The following SUGCT variants were observed in gnomAD, a reference collection of about 807,000 sequenced individuals.
The protein encoded by SUGCT is succinyl-CoA:glutarate-CoA transferase, also known as succinyl-CoA:glutarate CoA-transferase.
Under a neutral mutation model 55.0 loss-of-function variants are expected in SUGCT, and 41 were observed. The ratio of observed to expected loss-of-function variants is 0.74; its 90% CI spans 0.58 to 0.97. SUGCT has a LOEUF of 0.97. Ranked by LOEUF, SUGCT falls within the 50% of genes least tolerant of loss-of-function variation. The pLI is 0.00. For synonymous variants in SUGCT, 187 were observed against 200.4 expected (o/e 0.93, Z 0.56); for missense variants, 568 against 547.8 (o/e 1.04, Z -0.37).
chr7:40,671,506 G>A (rs1801939255), intron 12 of SUGCT, among the ~76,000 whole-genome samples: 1 of 152,096 alleles, frequency 6.6e-6, no homozygotes, highest in South Asian at 2.1e-4. Flanking sequence ...TAAAGATTGA[G>A]TTCAACAAGT....
intron 6 of SUGCT, among the ~76,000 whole-genome samples, chr7:40,208,387 G>A (rs1372679939): frequency 6.6e-6 from 1 of 152,080 alleles, no homozygotes; most frequent in Non-Finnish European, 1.5e-5. Context: ...AGAAAAAAAG[G>A]AAAGAATAGT....
At chr7:40,174,614 C>A (rs550165891) in intron 1 of SUGCT, among the ~76,000 whole-genome samples, 2 of 152,202 alleles carry the variant, frequency 1.3e-5, no homozygotes, top group South Asian at 2.1e-4. Context: ...TGCACCCTAG[C>A]CTGGGCAACA....
chr7:40,670,969 A>G (rs1484060463), intron 12 of SUGCT, among the ~76,000 whole-genome samples: 2 of 152,214 alleles, frequency 1.3e-5, no homozygotes, highest in Non-Finnish European at 2.9e-5. Flanking sequence ...ACCATTATCC[A>G]TCATGAATAT....
At chr7:40,949,608 A>G in the SUGCT span, among the ~76,000 whole-genome samples, 27 of 152,280 alleles carry the variant, frequency 1.8e-4, no homozygotes, top group Non-Finnish European at 3.5e-4. Context: ...TAAGTCTTTA[A>G]TCCATCTTGA....
At chr7:40,155,128 T>TA (rs1160886221) in intron 1 of SUGCT, among the ~76,000 whole-genome samples, 5 of 151,708 alleles carry the variant, frequency 3.3e-5, no homozygotes, top group Admixed American at 1.3e-4. Context: ...CTACTAAAAA[T>TA]AAAAAAATTA....
chr7:40,135,748 C>T (rs1449502290), intron 1 of SUGCT, among the ~76,000 whole-genome samples: 1 of 150,214 alleles, frequency 6.7e-6, no homozygotes, highest in Admixed American at 6.6e-5. Context: ...CCTCCTCCTC[C>T]CGTGTTCAGG....
chr7:40,232,001 T>C (rs1280351003), intron 6 of SUGCT, among the ~76,000 whole-genome samples: 1 of 152,128 alleles, frequency 6.6e-6, no homozygotes, highest in African/African-American at 2.4e-5. Flanking sequence ...CTTGGGAGGC[T>C]GAGGCAGGTG....
At chr7:40,217,560 T>C in intron 6 of SUGCT, 1 of 332,276 alleles carries the variant, frequency 3.0e-6, no homozygotes, top group East Asian at 1.0e-4. Flanking sequence ...GTGCTGTTCC[T>C]CAGGTATCAA....
the SUGCT span, among the ~76,000 whole-genome samples, chr7:40,941,705 T>C: frequency 6.6e-6 from 1 of 152,066 alleles, no homozygotes; most frequent in Non-Finnish European, 1.5e-5. Flanking sequence ...TGCCTATCAC[T>C]TTGCTTAGGT....
chr7:40,214,637 T>C (rs1332844393), intron 6 of SUGCT, among the ~76,000 whole-genome samples: 1 of 152,104 alleles, frequency 6.6e-6, no homozygotes, highest in African/African-American at 2.4e-5. Context: ...AATTATGGGC[T>C]GGGCATGGTG....
chr7:40,869,346 C>T, the SUGCT span, among the ~76,000 whole-genome samples: 1 of 152,102 alleles, frequency 6.6e-6, no homozygotes, highest in Admixed American at 6.5e-5. Context: ...AGTCACATGG[C>T]AAGGAATGCA....
At chr7:40,266,180 C>T (rs1279861942) in intron 7 of SUGCT, among the ~76,000 whole-genome samples, 21 of 76,594 alleles carry the variant, frequency 2.7e-4, no homozygotes, top group South Asian at 5.3e-4. Context: ...CTTTTCTTTC[C>T]TTTCCTTTTT....
chr7:40,915,252 A>T, the SUGCT span, among the ~76,000 whole-genome samples: 1 of 152,152 alleles, frequency 6.6e-6, no homozygotes, highest in Non-Finnish European at 1.5e-5. Flanking sequence ...TAAGGGAAAG[A>T]CTTCAGGGAT....
At chr7:40,948,052 A>ACT in the SUGCT span, among the ~76,000 whole-genome samples, 1 of 152,048 alleles carries the variant, frequency 6.6e-6, no homozygotes, top group African/African-American at 2.4e-5. Context: ...ATGCTTTTAT[A>ACT]CTCTGTGTTT....
the SUGCT span, among the ~76,000 whole-genome samples, chr7:40,956,567 C>G: frequency 1.3e-5 from 2 of 152,064 alleles, no homozygotes; most frequent in African/African-American, 4.8e-5. Flanking sequence ...TTTCAAAAAA[C>G]GAGCTCCTGA....
At chr7:40,631,209 T>C (rs1230453946) in intron 12 of SUGCT, among the ~76,000 whole-genome samples, 4 of 152,250 alleles carry the variant, frequency 2.6e-5, no homozygotes, top group Non-Finnish European at 4.4e-5. Flanking sequence ...ACAGCTTTAC[T>C]TTCAGTGATT....
intron 1 of SUGCT, among the ~76,000 whole-genome samples, chr7:40,138,310 T>G (rs1787801454): frequency 6.6e-6 from 1 of 152,242 alleles, no homozygotes; most frequent in Admixed American, 6.5e-5. Flanking sequence ...TCCATGTTGC[T>G]GCAAAAGACA....
intron 9 of SUGCT, among the ~76,000 whole-genome samples, chr7:40,403,794 C>G (rs926739534): frequency 6.6e-6 from 1 of 152,180 alleles, no homozygotes; most frequent in Non-Finnish European, 1.5e-5. Flanking sequence ...AGCATGTTTT[C>G]ATGTTTTCTT....
At position 40,485,396 on chromosome 7, in the gene SUGCT, A is replaced by G. The variant is rs957019242; in HGVS notation, c.987-10888A>G. 2.1e-4 allele frequency among the ~76,000 whole-genome samples: 30 copies of G among 143,912 alleles called. 1 individual carries two copies. Among genetic ancestry groups the G allele is most frequent in the Non-Finnish European group, 4.5e-5 (3 of 65,946 alleles). 94.4% of individuals were successfully genotyped at this position (143,912 alleles called of 152,430 possible). ...GTCTATATATCTAGATAATATAGGT[A>G]TATATATATCTATATACATTCTTTT... On this transcript the variant is annotated intron_variant, in intron 11 of 13. Transcript: ENST00000335693.
Sources: gnomAD v4.1 joint callset for allele counts (sites outside exome capture counted in the v4.1 genomes callset) on GRCh38, gnomAD v4.1.1 for gene constraint, MANE v1.5 for transcripts, NCBI Gene and HGNC (gene_info 2026-07-23, HGNC 2026-07-21) for gene names.